GLMN: variants seen among roughly 807,000 people sequenced by gnomAD.
The protein encoded by GLMN is glomulin, FKBP associated protein.
A neutral mutation model predicts 87.8 loss-of-function variants in GLMN; 75 were observed. The ratio of observed to expected loss-of-function variants is 0.85; its 90% confidence interval spans 0.71 to 1.04. The LOEUF (loss-of-function observed/expected upper bound fraction) is 1.04, where lower values mean the gene tolerates loss of function less well. GLMN is among the 50% of genes least tolerant of loss of function. GLMN has a pLI of 0.00. For missense variants in GLMN, 588 were observed against 658.8 expected, an observed-to-expected ratio of 0.89 and a Z score of 1.18; for synonymous variants, 206 against 221.6, an observed-to-expected ratio of 0.93 and a Z score of 0.63.
At chr1:92,364,987 A>G in the GLMN span, among the ~76,000 whole-genome samples, 1 of 152,070 alleles carries the variant, frequency 6.6e-6, no homozygotes, top group Admixed American at 6.6e-5. Context: ...TTTCCCTTTT[A>G]TGTCTTCACA....
upstream of GLMN, chr1:92,299,070 C>G (rs1384552595): frequency 1.3e-6 from 2 of 1,500,818 alleles, no homozygotes; most frequent in Non-Finnish European, 1.8e-6. Context: ...GACTACTCTC[C>G]CCCATGGCGG....
intron 16 of GLMN, among the ~76,000 whole-genome samples, chr1:92,248,997 A>G (rs1653065404): frequency 6.6e-6 from 1 of 152,130 alleles, no homozygotes; most frequent in African/African-American, 2.4e-5. Flanking sequence ...ATGTTTTTTA[A>G]AAATGTTTAG....
chr1:92,332,075 G>A, the GLMN span, among the ~76,000 whole-genome samples: 1 of 151,266 alleles, frequency 6.6e-6, no homozygotes, highest in Admixed American at 6.6e-5. Flanking sequence ...TTATCTCTTA[G>A]ATATTGCTTC....
chr1:92,289,674 C>T (rs1417494531), intron 5 of GLMN, among the ~76,000 whole-genome samples: 1 of 152,174 alleles, frequency 6.6e-6, no homozygotes, highest in Non-Finnish European at 1.5e-5. Flanking sequence ...GCCTTGGTTG[C>T]TAAGACCCAT....
At chr1:92,320,713 C>A in the GLMN span, 1 of 1,117,086 alleles carries the variant, frequency 9.0e-7, no homozygotes, top group Non-Finnish European at 1.3e-6. Context: ...GTGATATGAG[C>A]TCTTGGACTT....
At chr1:92,316,525 ACT>A in the GLMN span, among the ~76,000 whole-genome samples, 1 of 152,202 alleles carries the variant, frequency 6.6e-6, no homozygotes, top group African/African-American at 2.4e-5. Context: ...TTTTAGATTT[ACT>A]TTGCTAAAAT....
the GLMN span, among the ~76,000 whole-genome samples, chr1:92,352,016 T>G: frequency 6.6e-6 from 1 of 152,164 alleles, no homozygotes; most frequent in African/African-American, 2.4e-5. Context: ...TTTGTATTAC[T>G]CAGAAAGGAT....
chr1:92,357,893 ATTT>A, the GLMN span, among the ~76,000 whole-genome samples: 1 of 152,102 alleles, frequency 6.6e-6, no homozygotes, highest in Non-Finnish European at 1.5e-5. Context: ...AGTCATTTAA[ATTT>A]TTTGTTTTTG....
At chr1:92,299,458 G>C (rs1270769452), upstream of GLMN, among the ~76,000 whole-genome samples, 1 of 152,098 alleles carries the variant, frequency 6.6e-6, no homozygotes, top group East Asian at 1.9e-4. Flanking sequence ...AAGTGACTAG[G>C]GCAGCGTTGG....
the GLMN span, among the ~76,000 whole-genome samples, chr1:92,361,795 T>G: frequency 6.6e-6 from 1 of 152,248 alleles, no homozygotes. Flanking sequence ...AAAATGTTTC[T>G]TTGATTCAAA....
the GLMN span, among the ~76,000 whole-genome samples, chr1:92,314,480 G>A: frequency 2.6e-5 from 4 of 152,246 alleles, no homozygotes; most frequent in Admixed American, 6.5e-5. Flanking sequence ...GCTGGACACA[G>A]AGGCTAACAC....
chr1:92,325,318 A>G, the GLMN span, among the ~76,000 whole-genome samples: 1 of 152,284 alleles, frequency 6.6e-6, no homozygotes, highest in Non-Finnish European at 1.5e-5. Context: ...AGAAGTAGAA[A>G]TGTAGTAAAA....
chr1:92,253,047 C>T (rs1249336849), intron 16 of GLMN, among the ~76,000 whole-genome samples: 1 of 152,172 alleles, frequency 6.6e-6, no homozygotes. Flanking sequence ...GAACAAGACC[C>T]AGGTTTCCCC....
chr1:92,254,778 G>A (rs1388583802), intron 16 of GLMN, among the ~76,000 whole-genome samples: 1 of 152,092 alleles, frequency 6.6e-6, no homozygotes, highest in African/African-American at 2.4e-5. Flanking sequence ...ATATGGAAAG[G>A]AAAAACCAGT....
intron 16 of GLMN, among the ~76,000 whole-genome samples, chr1:92,255,818 C>A (rs1459727733): frequency 1.3e-5 from 2 of 152,062 alleles, no homozygotes; most frequent in Non-Finnish European, 2.9e-5. Flanking sequence ...TGGGAAAGAT[C>A]TAAAATCGAC....
rs887835566 is a variant in GLMN, at chr1:92,297,989, T to C, written c.11A>G (p.Glu4Gly). Residue 4 changes from glutamate to glycine, a missense_variant, in exon 2 of 19, where the codon GAG becomes GGG. Transcript: ENST00000370360. MAV[E>G]ELQSIIKRCQ... ...TCTCTTTATTATAGACTGAAGTTCC[T>C]CTACAGCCATTCTTATTTCTCCTAG... 3 of 1,495,776 alleles carry C rather than the reference T, an allele frequency of 2.0e-6. No individual in the cohort carries two copies. The highest frequency in any genetic ancestry group is 2.8e-6 in the Non-Finnish European group (3 of 1,072,710). The allele number at this position is 1,495,776 out of a possible 1,614,324, so 92.7% of individuals were successfully genotyped here. A position where few individuals can be genotyped will look rare whatever the true frequency, so the allele number is the denominator to read the frequency against.
At chr1:92,355,664 G>C in the GLMN span, among the ~76,000 whole-genome samples, 91 of 152,218 alleles carry the variant, frequency 6.0e-4, no homozygotes, top group Middle Eastern at 3.4e-3. Flanking sequence ...TTCTAGTGCA[G>C]ACTTTAGTTG....
the GLMN span, among the ~76,000 whole-genome samples, chr1:92,304,839 A>C: frequency 6.6e-6 from 1 of 152,338 alleles, no homozygotes; most frequent in East Asian, 1.9e-4. Context: ...AAAAGGTAGA[A>C]GACACTATGG....
chr1:92,350,284 C>G, the GLMN span, among the ~76,000 whole-genome samples: 3 of 152,168 alleles, frequency 2.0e-5, no homozygotes, highest in Non-Finnish European at 2.9e-5. Flanking sequence ...AAAATGTCCT[C>G]TTATTCTTAT....
Sources: allele counts gnomAD v4.1 joint callset (sites outside exome capture counted in the v4.1 genomes callset), GRCh38; gene constraint gnomAD v4.1.1; transcripts MANE v1.5; gene names NCBI Gene and HGNC (gene_info 2026-07-23, HGNC 2026-07-21).